Variants in FRMD6 observed in about 807,000 individuals in gnomAD.
FRMD6 encodes FERM domain-containing protein 6.
In FRMD6, 37 loss-of-function variants were observed where a neutral mutation model predicts 73.2. That is an observed-to-expected ratio of 0.51 (90% CI 0.39 to 0.66). The LOEUF (loss-of-function observed/expected upper bound fraction) is 0.66. FRMD6 is among the 30% of genes least tolerant of loss of function. The pLI is 0.00. For missense variants in FRMD6, 714 were observed against 780.5 expected, an observed-to-expected ratio of 0.91 and a Z score of 1.02; for synonymous variants, 273 against 282.2, an observed-to-expected ratio of 0.97 and a Z score of 0.33.
intron 2 of FRMD6, among the ~76,000 whole-genome samples, chr14:51,589,362 G>T (rs942673059): frequency 7.5e-4 from 113 of 149,982 alleles, no homozygotes; most frequent in African/African-American, 2.1e-3. Flanking sequence ...TTTTTTTGTT[G>T]TTGTTGTTGT....
At chr14:51,700,363 C>T (rs1240552362) in intron 3 of FRMD6, among the ~76,000 whole-genome samples, 2 of 151,980 alleles carry the variant, frequency 1.3e-5, no homozygotes, top group African/African-American at 2.4e-5. Flanking sequence ...TAGGTTTTAG[C>T]GGTCTTATTT....
At chr14:51,448,263 C>T in the FRMD6 span, among the ~76,000 whole-genome samples, 18 of 152,196 alleles carry the variant, frequency 1.2e-4, no homozygotes, top group African/African-American at 4.3e-4. Flanking sequence ...TTACTGTATT[C>T]TCCATATGTC....
At chr14:51,410,194 C>A in the FRMD6 span, among the ~76,000 whole-genome samples, 10 of 152,286 alleles carry the variant, frequency 6.6e-5, no homozygotes, top group East Asian at 9.6e-4. Flanking sequence ...AAAAAAGTGG[C>A]TTTTCTCTGT....
At chr14:51,675,850 A>C (rs1036972921) in intron 1 of FRMD6, among the ~76,000 whole-genome samples, 1 of 152,114 alleles carries the variant, frequency 6.6e-6, no homozygotes, top group Non-Finnish European at 1.5e-5. Flanking sequence ...AGGTAACAAC[A>C]TAATCTTATC....
intron 1 of FRMD6, among the ~76,000 whole-genome samples, chr14:51,567,716 C>T (rs148483044): frequency 7.2e-5 from 11 of 152,340 alleles, no homozygotes; most frequent in Admixed American, 2.0e-4. Flanking sequence ...ATCCTCAACA[C>T]TCTGACATAG....
rs77213758 is a variant in FRMD6, at chr14:51,656,964, A to G, written c.-147+4968A>G. ...GTACATGTTTTATACAACTTTGAGC[A>G]ATAATGTTTTACTGATACATGAAGA... On this transcript the variant is annotated intron_variant, in intron 1 of 13. Coordinates refer to ENST00000344768, the MANE Select transcript of FRMD6 (RefSeq NM_001267046.2). Among the ~76,000 whole-genome samples the G allele has an allele frequency of 4.9e-3, 746 of 152,318 alleles. 18 individuals carry two copies. The East Asian group carries it at 0.052, about 11-fold the overall frequency.
intron 1 of FRMD6, among the ~76,000 whole-genome samples, chr14:51,509,072 C>T (rs1317073728): frequency 1.3e-5 from 2 of 152,192 alleles, no homozygotes; most frequent in Non-Finnish European, 2.9e-5. Context: ...CACTGCTCAC[C>T]ATCATTCAAA....
chr14:51,605,848 A>G (rs1227439921), intron 2 of FRMD6, among the ~76,000 whole-genome samples: 1 of 152,194 alleles, frequency 6.6e-6, no homozygotes, highest in Non-Finnish European at 1.5e-5. Context: ...TCAAGTGGTC[A>G]TATCAGGAAG....
At chr14:51,445,525 T>G in the FRMD6 span, among the ~76,000 whole-genome samples, 1 of 152,012 alleles carries the variant, frequency 6.6e-6, no homozygotes, top group South Asian at 2.1e-4. Context: ...TTATACAATG[T>G]TAAAGCTAGA....
the FRMD6 span, among the ~76,000 whole-genome samples, chr14:51,469,326 T>C: frequency 6.6e-6 from 1 of 150,838 alleles, no homozygotes; most frequent in Non-Finnish European, 1.5e-5. Flanking sequence ...AAATGTGCTT[T>C]GTCATGGCTG....
chr14:51,467,155 G>C, the FRMD6 span, among the ~76,000 whole-genome samples: 2 of 152,108 alleles, frequency 1.3e-5, no homozygotes, highest in East Asian at 1.9e-4. Flanking sequence ...TGAGATTAGG[G>C]AGTGGCGATG....
chr14:51,696,515 G>C (rs1338777032), intron 2 of FRMD6, among the ~76,000 whole-genome samples: 2 of 151,846 alleles, frequency 1.3e-5, no homozygotes, highest in Non-Finnish European at 2.9e-5. Flanking sequence ...TATTGCCAGA[G>C]TTCCAAATTA....
the FRMD6 span, among the ~76,000 whole-genome samples, chr14:51,457,424 T>C: frequency 6.6e-6 from 1 of 150,992 alleles, no homozygotes; most frequent in Non-Finnish European, 1.5e-5. Context: ...TGATGAAGCA[T>C]TTTTATAAAA....
chr14:51,580,127 C>CAT (rs1555323445), intron 2 of FRMD6, among the ~76,000 whole-genome samples: 1 of 149,734 alleles, frequency 6.7e-6, no homozygotes, highest in Non-Finnish European at 1.5e-5. Context: ...TTGTGTGCAC[C>CAT]GTGTGTGTGT....
intron 1 of FRMD6, among the ~76,000 whole-genome samples, chr14:51,661,168 A>G (rs915377223): frequency 6.6e-6 from 1 of 152,190 alleles, no homozygotes; most frequent in African/African-American, 2.4e-5. Context: ...AAGAGGTCTA[A>G]GTTGGAGATA....
At chr14:51,591,421 A>T (rs915268309) in intron 2 of FRMD6, among the ~76,000 whole-genome samples, 3 of 152,250 alleles carry the variant, frequency 2.0e-5, no homozygotes, top group African/African-American at 7.2e-5. Context: ...TGCTTGCTCC[A>T]CATTATAAGT....
At chr14:51,407,628 T>C in the FRMD6 span, among the ~76,000 whole-genome samples, 1 of 152,070 alleles carries the variant, frequency 6.6e-6, no homozygotes, top group African/African-American at 2.4e-5. Context: ...TTTTCTCATA[T>C]GAATATTTAT....
intron 2 of FRMD6, among the ~76,000 whole-genome samples, chr14:51,585,023 A>G (rs58387088): frequency 0.016 from 2,497 of 152,306 alleles, 76 homozygotes; most frequent in African/African-American, 0.057. Context: ...CCTTGCACGT[A>G]GTGAACACTC....
At chr14:51,477,054 C>A in the FRMD6 span, among the ~76,000 whole-genome samples, 2 of 152,186 alleles carry the variant, frequency 1.3e-5, no homozygotes, top group African/African-American at 2.4e-5. Context: ...AGAAATTGAA[C>A]AAAATACTAG....
Sources: gnomAD v4.1 joint callset for allele counts (sites outside exome capture counted in the v4.1 genomes callset) on GRCh38, gnomAD v4.1.1 for gene constraint, MANE v1.5 for transcripts, NCBI Gene and HGNC (gene_info 2026-07-23, HGNC 2026-07-21) for gene names.